The following PLCH2 variants were observed in gnomAD, a reference collection of about 807,000 sequenced individuals.
The protein encoded by PLCH2 is phospholipase C eta 2.
PLCH2 carries 98 observed loss-of-function variants against 134.7 expected under a neutral mutation model. That is an observed-to-expected ratio of 0.73 (90% CI 0.62 to 0.86). The LOEUF (loss-of-function observed/expected upper bound fraction) is 0.86, where lower values mean the gene tolerates loss of function less well. PLCH2 is among the 40% of genes least tolerant of loss of function. PLCH2 has a pLI of 0.00. For synonymous variants in PLCH2, 974 were observed against 827.5 expected, an observed-to-expected ratio of 1.18 and a Z score of -3.04; for missense variants, 1,994 against 1,986.6, an observed-to-expected ratio of 1.00 and a Z score of -0.07.
At chr1:2,463,648 G>T (rs1640927736), upstream of PLCH2, among the ~76,000 whole-genome samples, 1 of 151,436 alleles carries the variant, frequency 6.6e-6, no homozygotes. Flanking sequence ...ACTGGTCAGA[G>T]CCCGCGACCC....
rs781289239 is a variant in PLCH2, at chr1:2,505,018, G to A, written c.4056G>A (p.Arg1352=). Residue 1352 remains arginine (R), a synonymous_variant, in exon 22 of 22, where the codon CGG becomes CGA. Coordinates refer to ENST00000378486, the MANE Select transcript of PLCH2 (RefSeq NM_014638.4). ...SHSRVRAIAS[R]ARQAQERQQR... ...GCCGCGTGCGTGCCATTGCCAGCCG[G>A]GCCCGCCAGGCCCAGGAGCGGCAGC... is the stretch of plus-strand genomic sequence containing the variant. 6.5e-7 allele frequency: 1 copy of A among 1,542,578 alleles called. No homozygotes were observed. Among genetic ancestry groups the A allele is most frequent in the Non-Finnish European group, 8.7e-7 (1 of 1,150,680 alleles).
At chr1:2,483,058 G>A (rs1642062243) in intron 4 of PLCH2, among the ~76,000 whole-genome samples, 1 of 152,180 alleles carries the variant, frequency 6.6e-6, no homozygotes, top group African/African-American at 2.4e-5. Context: ...AGGACCCAGC[G>A]GGGCTTGTCT....
upstream of PLCH2, among the ~76,000 whole-genome samples, chr1:2,473,389 G>A (rs1433023690): frequency 1.3e-5 from 2 of 152,352 alleles, no homozygotes; most frequent in East Asian, 1.9e-4. Context: ...CGTGGGGCCC[G>A]CAGAGCCCTC....
At chr1:2,454,548 C>T (rs1314453376) in intron 2 of PLCH2, among the ~76,000 whole-genome samples, 1 of 152,134 alleles carries the variant, frequency 6.6e-6, no homozygotes, top group African/African-American at 2.4e-5. Context: ...TGGACCGTGT[C>T]CCTTTACTTG....
At chr1:2,463,076 G>C (rs996015152), upstream of PLCH2, among the ~76,000 whole-genome samples, 2 of 152,320 alleles carry the variant, frequency 1.3e-5, no homozygotes, top group Middle Eastern at 6.8e-3. Context: ...CATTGGAGGG[G>C]CCTGCATTTC....
intron 2 of PLCH2, among the ~76,000 whole-genome samples, chr1:2,455,445 G>A (rs1002181893): frequency 6.6e-6 from 1 of 152,230 alleles, no homozygotes; most frequent in Non-Finnish European, 1.5e-5. Context: ...GCTAGGTTGG[G>A]AGACACCCCT....
At chr1:2,417,425 A>AGCTT in the PLCH2 span, among the ~76,000 whole-genome samples, 1 of 151,842 alleles carries the variant, frequency 6.6e-6, no homozygotes, top group African/African-American at 2.4e-5. Context: ...CCAGCTTCCC[A>AGCTT]GCCTCCTCTG....
chr1:2,486,724 C>T (rs1351799530), intron 5 of PLCH2, among the ~76,000 whole-genome samples, 183 bp from the exon 6 acceptor site: 1 of 152,236 alleles, frequency 6.6e-6, no homozygotes, highest in Non-Finnish European at 1.5e-5. Context: ...ATAGTCAGAG[C>T]AAGCCATCCA....
chr1:2,465,470 C>T (rs959236404), upstream of PLCH2, among the ~76,000 whole-genome samples: 3 of 152,140 alleles, frequency 2.0e-5, no homozygotes, highest in Non-Finnish European at 2.9e-5. Flanking sequence ...GCTCTGCGTC[C>T]CTGGATGTGC....
chr1:2,489,416 A>G, intron 9 of PLCH2, 38 bp downstream of exon 9: 1 of 1,604,768 alleles, frequency 6.2e-7, no homozygotes, highest in Non-Finnish European at 8.5e-7. Context: ...CAGCTCACAC[A>G]GAGTCTCGGG....
chr1:2,420,375 G>GTGTGGGGGCC, the PLCH2 span, among the ~76,000 whole-genome samples: 3 of 152,206 alleles, frequency 2.0e-5, no homozygotes, highest in African/African-American at 7.2e-5. Flanking sequence ...CGAGAGGTGG[G>GTGTGGGGGCC]TGTGGGGGCC....
intron 2 of PLCH2, among the ~76,000 whole-genome samples, chr1:2,450,110 G>A (rs533043166): frequency 6.6e-6 from 1 of 152,330 alleles, no homozygotes; most frequent in Non-Finnish European, 1.5e-5. Context: ...CGTCCCCTGA[G>A]GCTTGTCCAG....
intron 9 of PLCH2, 140 bp from the exon 10 acceptor site, chr1:2,489,620 C>T: frequency 1.3e-6 from 1 of 762,644 alleles, no homozygotes; most frequent in Non-Finnish European, 2.2e-6. Flanking sequence ...GCCAGTCTGG[C>T]CCCTGCCCCA....
At chr1:2,501,967 C>A in intron 20 of PLCH2, 145 bp from the exon 21 acceptor site, 1 of 691,806 alleles carries the variant, frequency 1.4e-6, no homozygotes, top group Non-Finnish European at 2.3e-6. Context: ...TGTGTCCACA[C>A]ACCCCCAGCC....
At chr1:2,470,754 G>A (rs561797686) in intron 1 of PLCH2, among the ~76,000 whole-genome samples, 1 of 152,268 alleles carries the variant, frequency 6.6e-6, no homozygotes, top group Non-Finnish European at 1.5e-5. Flanking sequence ...CCCCTCACTC[G>A]GCAGGAGCTC....
chr1:2,418,630 C>T, the PLCH2 span, among the ~76,000 whole-genome samples: 1 of 152,236 alleles, frequency 6.6e-6, no homozygotes, highest in Non-Finnish European at 1.5e-5. Context: ...CGAGGCTGCT[C>T]CTCAGGGCTC....
intron 2 of PLCH2, among the ~76,000 whole-genome samples, chr1:2,449,174 T>A (rs1481903933): frequency 7.1e-6 from 1 of 139,918 alleles, no homozygotes; most frequent in African/African-American, 2.6e-5. Flanking sequence ...TTGGAGCTAT[T>A]TCAGTAGAAA....
In PLCH2 at chr1:2,448,770, C is replaced by G. The variant is rs533514270; in HGVS notation, c.115+18141C>G. 6.6e-6 allele frequency among the ~76,000 whole-genome samples: 1 copy of G among 152,196 alleles called. No individual in the cohort carries two copies. Among genetic ancestry groups the G allele is most frequent in the East Asian group, 1.9e-4 (1 of 5,150 alleles). On this transcript the variant is annotated intron_variant, in intron 2 of 3. Transcript: ENST00000609981. This position sits in a 1 kb window ranked among gnomAD's most constrained non-coding sequence, Gnocchi z 4.0. ...CTCCTGGCTCCCCACCATCCAGTCT[C>G]TCCCTGGGTGGGGTCCTGGCTCCAC...
Position 2,498,323 on chromosome 1 carries a change from C to T in PLCH2, c.2225-200C>T, listed in dbSNP as rs1472933269. On this transcript the variant is annotated intron_variant, in intron 16 of 21. Coordinates refer to ENST00000378486, the MANE Select transcript of PLCH2 (RefSeq NM_014638.4). This position sits in a 1 kb window ranked among gnomAD's most constrained non-coding sequence, Gnocchi z 5.4. ...GGCATGGGCTCTGTCCCACATGCTG[C>T]GGTAGCCACAAAGGTGATCCATACT... 1.3e-5 allele frequency: 8 copies of T among 592,662 alleles called. No homozygotes were observed. In the East Asian group the frequency reaches 1.4e-4, roughly 11 times the overall value. 36.7% of individuals were successfully genotyped at this position (592,662 alleles called of 1,614,324 possible).
Sources: gnomAD v4.1 joint callset for allele counts (sites outside exome capture counted in the v4.1 genomes callset) on GRCh38, gnomAD v4.1.1 for gene constraint, Gnocchi (gnomAD v3.1) non-coding constraint, MANE v1.5 for transcripts, NCBI Gene and HGNC (gene_info 2026-07-23, HGNC 2026-07-21) for gene names.